The following RBFOX1 variants were observed in gnomAD, a reference collection of about 807,000 sequenced individuals.
The protein encoded by RBFOX1 is RNA binding protein fox-1 homolog 1.
In RBFOX1, 8 loss-of-function variants were observed where a neutral mutation model predicts 57.7. The observed-to-expected ratio is 0.14, with a 90% CI of 0.08 to 0.25. The LOEUF is 0.25. Ranked by LOEUF, RBFOX1 falls within the 10% of genes least tolerant of loss-of-function variation. The pLI is 1.00. For missense variants in RBFOX1, 611 were observed against 548.5 expected, an observed-to-expected ratio of 1.11 and a Z score of -1.14; for synonymous variants, 326 against 222.4, an observed-to-expected ratio of 1.47 and a Z score of -4.15.
Position 7,636,766 on chromosome 16 carries a change from G to C in RBFOX1, c.757+6083G>C, listed in dbSNP as rs537928869. ...CAGGGTGCCAAGAAAGTTAGGTTCC[G>C]GTGAGGGCTTTCTTCTTGGCTTACA... is the stretch of plus-strand genomic sequence containing the variant. On this transcript the variant is annotated intron_variant, in intron 11 of 15. Transcript: ENST00000550418. 2.6e-5 allele frequency among the ~76,000 whole-genome samples: 4 copies of C among 152,218 alleles called. No individual in the cohort carries two copies. In the East Asian group the frequency reaches 5.8e-4, roughly 22 times the overall value.
chr16:5,666,941 G>A (rs1370758044), intron 3 of RBFOX1, among the ~76,000 whole-genome samples: 1 of 152,140 alleles, frequency 6.6e-6, no homozygotes, highest in African/African-American at 2.4e-5. Context: ...CATTCTATCT[G>A]CTACCAGACA....
At position 6,654,782 on chromosome 16, in the gene RBFOX1, C is replaced by T. The variant is rs542378253; in HGVS notation, c.-16+132C>T. ...TCACGGTCTATGACATATTTAAAGA[C>T]AATCAGACTTAAAAATGCTTGTCAT... On this transcript the variant is annotated intron_variant, in intron 3 of 15. Coordinates refer to ENST00000550418, the MANE Select transcript of RBFOX1 (RefSeq NM_018723.4). The T allele has an allele frequency of 1.1e-4, 67 of 603,714 alleles. No individual in the cohort carries two copies. In the African/African-American group the frequency reaches 1.2e-3, roughly 11 times the overall value. 37.4% of individuals were successfully genotyped at this position (603,714 alleles called of 1,614,324 possible).
chr16:7,631,567 G>T (rs558539669), intron 11 of RBFOX1, among the ~76,000 whole-genome samples: 2 of 152,098 alleles, frequency 1.3e-5, no homozygotes, highest in Admixed American at 6.5e-5. Flanking sequence ...TAAATCCTGT[G>T]GAGTTGCCGT....
intron 14 of RBFOX1, among the ~76,000 whole-genome samples, chr16:7,705,558 G>A (rs867842214): frequency 6.6e-6 from 1 of 152,178 alleles, no homozygotes; most frequent in Non-Finnish European, 1.5e-5. Context: ...GTAACCAAGG[G>A]AAGGAAGATG....
At chr16:6,138,823 C>T (rs564638274) in intron 1 of RBFOX1, among the ~76,000 whole-genome samples, 1 of 152,100 alleles carries the variant, frequency 6.6e-6, no homozygotes, top group African/African-American at 2.4e-5. Context: ...GCCGAGATTG[C>T]GCCGCTGCAC....
intron 10 of RBFOX1, among the ~76,000 whole-genome samples, chr16:7,618,394 G>C (rs7204945): frequency 3.9e-5 from 6 of 151,994 alleles, no homozygotes; most frequent in African/African-American, 1.4e-4. Flanking sequence ...ATTATCAACT[G>C]TTCAGCAACC....
intron 4 of RBFOX1, among the ~76,000 whole-genome samples, chr16:7,237,725 C>A (rs936486442): frequency 6.6e-6 from 1 of 152,130 alleles, no homozygotes; most frequent in South Asian, 2.1e-4. Context: ...AGATTCTGGC[C>A]GACTGTGTGG....
intron 2 of RBFOX1, among the ~76,000 whole-genome samples, chr16:5,597,981 G>C (rs1272487411): frequency 6.6e-6 from 1 of 152,116 alleles, no homozygotes; most frequent in Non-Finnish European, 1.5e-5. Context: ...CCCTAGTAAG[G>C]ATTCAGGGTG....
chr16:7,500,466 C>T (rs9783800), intron 4 of RBFOX1, among the ~76,000 whole-genome samples: 4,434 of 152,204 alleles, frequency 0.029, 218 homozygotes, highest in African/African-American at 0.1. Context: ...TTCTTATTCC[C>T]CCATAAAAGT....
intron 3 of RBFOX1, among the ~76,000 whole-genome samples, chr16:7,006,673 C>G (rs979014281): frequency 3.3e-5 from 5 of 152,160 alleles, no homozygotes; most frequent in Non-Finnish European, 5.9e-5. Context: ...ATCTTGAACT[C>G]CTGGACTCAA....
At chr16:6,000,484 CG>C (rs2060578052) in intron 4 of RBFOX1, among the ~76,000 whole-genome samples, 1 of 152,116 alleles carries the variant, frequency 6.6e-6, no homozygotes, top group Non-Finnish European at 1.5e-5. Context: ...AATTGGATCC[CG>C]TGCATGCCTG....
chr16:5,721,476 G>T (rs2051932324), intron 3 of RBFOX1, among the ~76,000 whole-genome samples: 1 of 151,970 alleles, frequency 6.6e-6, no homozygotes, highest in Admixed American at 6.6e-5. Context: ...TTGCCCAATT[G>T]CCCTGGCTTG....
At chr16:7,261,289 A>C (rs1480559099) in intron 4 of RBFOX1, among the ~76,000 whole-genome samples, 1 of 152,224 alleles carries the variant, frequency 6.6e-6, no homozygotes, top group Non-Finnish European at 1.5e-5. Context: ...ATAAAGTGGA[A>C]TTGATGAATG....
At chr16:5,837,534 C>G (rs1283716118) in intron 3 of RBFOX1, among the ~76,000 whole-genome samples, 3 of 152,088 alleles carry the variant, frequency 2.0e-5, no homozygotes, top group African/African-American at 4.8e-5. Flanking sequence ...CTGGTTACCA[C>G]ACAGTCCCTT....
intron 1 of RBFOX1, among the ~76,000 whole-genome samples, chr16:5,405,447 C>G (rs1027715503): frequency 6.6e-6 from 1 of 152,196 alleles, no homozygotes; most frequent in African/African-American, 2.4e-5. Context: ...GTGCCTTTTG[C>G]CTTCTGCCAT....
intron 14 of RBFOX1, 76 bp from the exon 15 acceptor site, chr16:7,708,980 T>C (rs2083393966): frequency 1.5e-6 from 2 of 1,377,786 alleles, no homozygotes; most frequent in African/African-American, 1.4e-5. Context: ...ACTGTCTTGG[T>C]ATTTTGGATT....
intron 1 of RBFOX1, among the ~76,000 whole-genome samples, chr16:6,076,334 G>T (rs11644319): frequency 6.7e-6 from 1 of 149,220 alleles, no homozygotes. Context: ...AAACACACGC[G>T]CACACACACA....
intron 15 of RBFOX1, chr16:7,709,648 G>GCA: frequency 6.6e-7 from 1 of 1,524,790 alleles, no homozygotes; most frequent in Non-Finnish European, 8.8e-7. Context: ...ATAGAGAGGG[G>GCA]CACACTTTGT....
intron 3 of RBFOX1, among the ~76,000 whole-genome samples, chr16:5,854,230 T>C (rs945069973): frequency 6.6e-6 from 1 of 152,212 alleles, no homozygotes; most frequent in Non-Finnish European, 1.5e-5. Flanking sequence ...ATCAAGTATA[T>C]AGTACAGTAT....
Sources: allele counts gnomAD v4.1 joint callset (sites outside exome capture counted in the v4.1 genomes callset), GRCh38; gene constraint gnomAD v4.1.1; transcripts MANE v1.5; gene names NCBI Gene and HGNC (gene_info 2026-07-23, HGNC 2026-07-21).